RAD51B: variants seen among roughly 807,000 people sequenced by gnomAD.
RAD51B encodes the protein RAD51 paralog B.
Under a neutral mutation model 42.2 loss-of-function variants are expected in RAD51B, and 38 were observed. The observed-to-expected ratio is 0.90, with a 90% CI of 0.70 to 1.18. The LOEUF (loss-of-function observed/expected upper bound fraction) is 1.18, where lower values mean the gene tolerates loss of function less well. RAD51B is among the 50% of genes most tolerant of loss of function. The pLI, the probability that RAD51B is intolerant of heterozygous loss-of-function variation, is 0.00. For missense variants in RAD51B, 373 were observed against 400.7 expected (o/e 0.93, Z 0.59); for synonymous variants, 154 against 145.2 (o/e 1.06, Z -0.43).
At chr14:68,405,440 C>T (rs1414586805) in intron 8 of RAD51B, among the ~76,000 whole-genome samples, 1 of 151,670 alleles carries the variant, frequency 6.6e-6, no homozygotes, top group Non-Finnish European at 1.5e-5. Flanking sequence ...GAGACCCTTT[C>T]TCTAAAAAAA....
At position 68,459,302 on chromosome 14, in the gene RAD51B, TC is replaced by T. The variant is rs200373292; in HGVS notation, c.958-8867del. On this transcript the variant is annotated intron_variant, in intron 9 of 10. Coordinates refer to ENST00000471583, the MANE Select transcript of RAD51B (RefSeq NM_133510.4). ...TGCAAGACTAACTGGTTTGTTTGCC[TC>T]CCTGGCTCTCTTCCTGAGCTTCAAA... Among the ~76,000 whole-genome samples, 950 of 152,344 alleles carry T rather than the reference TC, an allele frequency of 6.2e-3. 3 individuals are homozygous for T. The highest frequency in any genetic ancestry group is 0.02 in the Middle Eastern group (6 of 294).
At chr14:68,067,419 G>C (rs144668546) in intron 7 of RAD51B, among the ~76,000 whole-genome samples, 13 of 147,014 alleles carry the variant, frequency 8.8e-5, no homozygotes, top group African/African-American at 3.3e-4. Context: ...AGCCGAGATT[G>C]TGCCACTGCA....
At chr14:67,887,250 T>C (rs1381975829) in intron 7 of RAD51B, 46 bp downstream of exon 7, 2 of 1,442,086 alleles carry the variant, frequency 1.4e-6, no homozygotes, top group African/African-American at 2.9e-5. Context: ...TTCTTTTGTT[T>C]CTTTTATATT....
At chr14:68,544,533 C>T (rs986253702) in intron 10 of RAD51B, among the ~76,000 whole-genome samples, 1 of 152,148 alleles carries the variant, frequency 6.6e-6, no homozygotes, top group Non-Finnish European at 1.5e-5. Flanking sequence ...GTTGGGTTGG[C>T]AACACTGAAC....
intron 8 of RAD51B, among the ~76,000 whole-genome samples, chr14:68,340,349 T>C (rs981255313): frequency 6.6e-6 from 1 of 152,198 alleles, no homozygotes; most frequent in Non-Finnish European, 1.5e-5. Context: ...ATTGCTGAAA[T>C]AAACAGCCAG....
At chr14:67,994,032 A>G (rs994058756) in intron 7 of RAD51B, among the ~76,000 whole-genome samples, 3 of 151,920 alleles carry the variant, frequency 2.0e-5, no homozygotes, top group African/African-American at 7.3e-5. Flanking sequence ...GCCTTTATGT[A>G]CTTTAATATT....
At chr14:68,204,939 A>T (rs2079556646) in intron 7 of RAD51B, among the ~76,000 whole-genome samples, 1 of 152,228 alleles carries the variant, frequency 6.6e-6, no homozygotes, top group South Asian at 2.1e-4. Context: ...GGAAGAAGTG[A>T]AAAGTAGGTT....
At chr14:68,206,851 G>A (rs960341345) in intron 7 of RAD51B, among the ~76,000 whole-genome samples, 3 of 149,016 alleles carry the variant, frequency 2.0e-5, no homozygotes, top group African/African-American at 7.4e-5. Context: ...ATGCAGTGGC[G>A]CGATCTCGGC....
intron 7 of RAD51B, among the ~76,000 whole-genome samples, chr14:68,258,436 C>CTG (rs1287670481): frequency 6.7e-6 from 1 of 150,360 alleles, no homozygotes; most frequent in East Asian, 1.9e-4. Flanking sequence ...CACACACTCT[C>CTG]TCTCTCTCAC....
intron 10 of RAD51B, among the ~76,000 whole-genome samples, chr14:68,499,877 G>C (rs1309367274): frequency 6.6e-6 from 1 of 152,176 alleles, no homozygotes; most frequent in Non-Finnish European, 1.5e-5. Flanking sequence ...CAGGACTATA[G>C]AGAATACATT....
chr14:68,265,736 A>C (rs922855821), intron 7 of RAD51B, among the ~76,000 whole-genome samples: 2 of 152,364 alleles, frequency 1.3e-5, no homozygotes, highest in South Asian at 2.1e-4. Flanking sequence ...CCTGGGCAAC[A>C]GAGTGAGACT....
At chr14:68,585,857 G>C (rs2140067589) in intron 10 of RAD51B, among the ~76,000 whole-genome samples, 1 of 152,306 alleles carries the variant, frequency 6.6e-6, no homozygotes, top group Middle Eastern at 3.4e-3. Flanking sequence ...ATCTGAGGCT[G>C]TTGGTGGGGA....
intron 7 of RAD51B, among the ~76,000 whole-genome samples, chr14:67,947,183 A>G (rs1180272649): frequency 6.6e-6 from 1 of 152,226 alleles, no homozygotes; most frequent in Non-Finnish European, 1.5e-5. Context: ...TCTATATTTT[A>G]TATCCCCATG....
chr14:68,251,212 A>G (rs2080624812), intron 7 of RAD51B, among the ~76,000 whole-genome samples: 1 of 151,634 alleles, frequency 6.6e-6, no homozygotes. Flanking sequence ...AAAAAAAAAA[A>G]GATTTTGCTT....
intron 8 of RAD51B, among the ~76,000 whole-genome samples, chr14:68,297,100 A>C (rs968465800): frequency 1.3e-5 from 2 of 152,234 alleles, no homozygotes; most frequent in African/African-American, 4.8e-5. Flanking sequence ...GTCCATTTGA[A>C]AGATTATATG....
exon 11 of RAD51B, chr14:68,595,706 C>T (rs774264679): frequency 2.6e-5 from 21 of 801,584 alleles, no homozygotes; most frequent in South Asian, 1.8e-4. Flanking sequence ...AACATCTATA[C>T]GATGGAATAC....
At chr14:68,088,332 C>G (rs530807052) in intron 7 of RAD51B, among the ~76,000 whole-genome samples, 1 of 151,660 alleles carries the variant, frequency 6.6e-6, no homozygotes, top group African/African-American at 2.4e-5. Flanking sequence ...ATCAAATTTA[C>G]TTACTTACTT....
intron 10 of RAD51B, among the ~76,000 whole-genome samples, chr14:68,591,275 G>C (rs1890727875): frequency 6.6e-6 from 1 of 152,184 alleles, no homozygotes; most frequent in Non-Finnish European, 1.5e-5. Flanking sequence ...GGAGCAAGAA[G>C]AGTGACTGTC....
intron 7 of RAD51B, among the ~76,000 whole-genome samples, chr14:68,288,112 C>G (rs1424246789): frequency 6.6e-6 from 1 of 152,146 alleles, no homozygotes; most frequent in African/African-American, 2.4e-5. Context: ...AGTTAGAAAC[C>G]AGACTGTGTT....
Sources: allele counts gnomAD v4.1 joint callset (sites outside exome capture counted in the v4.1 genomes callset), GRCh38; gene constraint gnomAD v4.1.1; transcripts MANE v1.5; gene names NCBI Gene and HGNC (gene_info 2026-07-23, HGNC 2026-07-21).